The following CALN1 variants were observed in gnomAD, a reference collection of about 807,000 sequenced individuals.
CALN1 encodes the protein calneuron 1, also known as calcium-binding protein 8.
A neutral mutation model predicts 30.6 loss-of-function variants in CALN1; 17 were observed. The observed-to-expected ratio is 0.56, with a 90% CI of 0.38 to 0.83. The LOEUF is 0.83. Ranked by LOEUF, CALN1 falls within the 40% of genes least tolerant of loss-of-function variation. The probability of loss-of-function intolerance (pLI) is 0.00; values close to 1 mark genes in which losing one functional copy is unlikely to be tolerated. For missense variants in CALN1, 291 were observed against 354.9 expected (o/e 0.82, Z 1.45); for synonymous variants, 156 against 131.4 (o/e 1.19, Z -1.28).
chr7:71,955,246 G>A lies in CALN1; in HGVS notation c.501+68411C>T, dbSNP rs547163826. ...AGACGTATTCACTACCACGAGAACA[G>A]TATGGAAGAAACCGTCCCTGTGATT... On this transcript the variant is annotated intron_variant, in intron 5 of 6. Coordinates refer to ENST00000395275, the MANE Select transcript of CALN1 (RefSeq NM_031468.4). Among the ~76,000 whole-genome samples the A allele has an allele frequency of 2.0e-5, 3 of 152,248 alleles. No homozygotes were observed. In the East Asian group the frequency reaches 5.8e-4, roughly 29 times the overall value.
intron 5 of CALN1, among the ~76,000 whole-genome samples, chr7:71,876,712 G>GA (rs71531772): frequency 0.16 from 25,046 of 152,022 alleles, 3,373 homozygotes; most frequent in East Asian, 0.43. Context: ...AATGTGTTTA[G>GA]AAAACACAGT....
chr7:71,983,343 T>C (rs1798497597), intron 5 of CALN1, among the ~76,000 whole-genome samples: 4 of 152,174 alleles, frequency 2.6e-5, no homozygotes. Flanking sequence ...AGAAGAGGGT[T>C]AATCTACTCA....
At chr7:72,268,140 G>A (rs771923659) in intron 3 of CALN1, among the ~76,000 whole-genome samples, 28 of 152,184 alleles carry the variant, frequency 1.8e-4, no homozygotes, top group Non-Finnish European at 3.8e-4. Flanking sequence ...ATAAGCTTTA[G>A]CTGTGATGAT....
At chr7:71,921,361 A>AT (rs1392700430) in intron 5 of CALN1, among the ~76,000 whole-genome samples, 6 of 152,202 alleles carry the variant, frequency 3.9e-5, no homozygotes, top group Non-Finnish European at 1.5e-5. Context: ...AAGTATAATA[A>AT]TAAAAAAAGA....
At chr7:72,200,384 T>C (rs868621031) in intron 3 of CALN1, among the ~76,000 whole-genome samples, 3 of 152,198 alleles carry the variant, frequency 2.0e-5, no homozygotes, top group South Asian at 4.1e-4. Flanking sequence ...TTTTAAAACA[T>C]GTGAAGTCCT....
At chr7:72,208,043 C>T (rs945168023) in intron 3 of CALN1, among the ~76,000 whole-genome samples, 3 of 152,118 alleles carry the variant, frequency 2.0e-5, no homozygotes, top group African/African-American at 7.2e-5. Context: ...GCCTCTTATA[C>T]AATCAACCAA....
At chr7:72,390,469 G>A (rs1213792415) in intron 2 of CALN1, among the ~76,000 whole-genome samples, 1 of 152,152 alleles carries the variant, frequency 6.6e-6, no homozygotes, top group Non-Finnish European at 1.5e-5. Context: ...GAGATTGGCT[G>A]CCCTGAGACA....
At chr7:72,397,749 C>CACACACACACAA (rs1554400055) in intron 2 of CALN1, among the ~76,000 whole-genome samples, 1 of 149,720 alleles carries the variant, frequency 6.7e-6, no homozygotes, top group Non-Finnish European at 1.5e-5. Flanking sequence ...CACACACACA[C>CACACACACACAA]ACCTTGCTCC....
At chr7:72,265,880 T>C (rs952725501) in intron 3 of CALN1, among the ~76,000 whole-genome samples, 1 of 152,040 alleles carries the variant, frequency 6.6e-6, no homozygotes, top group African/African-American at 2.4e-5. Flanking sequence ...ATACCTGTAA[T>C]CCCAGCATTT....
At chr7:72,360,864 G>A (rs1459284394) in intron 2 of CALN1, among the ~76,000 whole-genome samples, 2 of 151,624 alleles carry the variant, frequency 1.3e-5, no homozygotes, top group Non-Finnish European at 2.9e-5. Flanking sequence ...ACATAGCTGA[G>A]ATTACAGGTG....
intron 2 of CALN1, among the ~76,000 whole-genome samples, chr7:72,296,199 C>G (rs1293646973): frequency 6.6e-6 from 1 of 151,140 alleles, no homozygotes; most frequent in Non-Finnish European, 1.5e-5. Context: ...AGCCTTGCAT[C>G]CCAGGGATGA....
chr7:72,191,755 T>C (rs1422299543), intron 3 of CALN1, among the ~76,000 whole-genome samples: 2 of 152,066 alleles, frequency 1.3e-5, no homozygotes, highest in African/African-American at 4.8e-5. Context: ...AAGTTCATTA[T>C]CTGACTGTTC....
At chr7:72,291,016 C>T (rs765613443) in intron 2 of CALN1, among the ~76,000 whole-genome samples, 18 of 151,744 alleles carry the variant, frequency 1.2e-4, no homozygotes, top group Non-Finnish European at 1.9e-4. Flanking sequence ...CTCTGCCTCC[C>T]GGGTTCAAGC....
intron 2 of CALN1, among the ~76,000 whole-genome samples, chr7:72,323,317 C>G (rs1004759963): frequency 6.6e-6 from 1 of 152,100 alleles, no homozygotes; most frequent in Non-Finnish European, 1.5e-5. Context: ...GGAAGCCCTT[C>G]GTGTGAAGCT....
At chr7:72,389,014 G>A (rs772083158) in intron 2 of CALN1, among the ~76,000 whole-genome samples, 1 of 152,134 alleles carries the variant, frequency 6.6e-6, no homozygotes, top group Non-Finnish European at 1.5e-5. Context: ...CTCTGTTCTG[G>A]AAACACCCTG....
chr7:71,810,580 T>C (rs1163721540), intron 5 of CALN1, 88 bp from the exon 6 acceptor site: 1 of 1,369,296 alleles, frequency 7.3e-7, no homozygotes, highest in African/African-American at 1.4e-5. Context: ...CCACAGCTGC[T>C]CTGCAGAAAC....
intron 3 of CALN1, among the ~76,000 whole-genome samples, chr7:72,166,138 A>G (rs550255543): frequency 2.0e-5 from 3 of 152,184 alleles, no homozygotes; most frequent in Non-Finnish European, 4.4e-5. Flanking sequence ...AAGAAAGCTT[A>G]TATTTTCAAA....
intron 6 of CALN1, among the ~76,000 whole-genome samples, chr7:71,795,881 C>G (rs1196678388): frequency 1.4e-5 from 2 of 144,856 alleles, no homozygotes; most frequent in Non-Finnish European, 3.0e-5. Context: ...TGCAGCGGCA[C>G]CATCTCGGCT....
At chr7:72,230,133 T>G (rs2129550519) in intron 3 of CALN1, among the ~76,000 whole-genome samples, 1 of 150,544 alleles carries the variant, frequency 6.6e-6, no homozygotes, top group Non-Finnish European at 1.5e-5. Flanking sequence ...AGAGCAAGAC[T>G]CCGTCTCAAA....
Sources: allele counts gnomAD v4.1 joint callset (sites outside exome capture counted in the v4.1 genomes callset), GRCh38; gene constraint gnomAD v4.1.1; transcripts MANE v1.5; gene names NCBI Gene and HGNC (gene_info 2026-07-23, HGNC 2026-07-21).